The following DTNA variants were observed in gnomAD, a reference collection of about 807,000 sequenced individuals.
DTNA encodes the protein dystrobrevin alpha.
A neutral mutation model predicts 100.7 loss-of-function variants in DTNA; 43 were observed. The observed-to-expected ratio is 0.43, with a 90% confidence interval of 0.33 to 0.55. The LOEUF is 0.55. Ranked by LOEUF, DTNA falls within the 20% of genes least tolerant of loss-of-function variation. The probability of loss-of-function intolerance (pLI) is 0.04; values close to 1 mark genes in which losing one functional copy is unlikely to be tolerated. For missense variants in DTNA, 798 were observed against 953.9 expected, an observed-to-expected ratio of 0.84 and a Z score of 2.15; for synonymous variants, 349 against 347.9, an observed-to-expected ratio of 1.00 and a Z score of -0.04.
chr18:34,639,450 A>G (rs1445648532), intron 1 of DTNA, among the ~76,000 whole-genome samples: 7 of 152,194 alleles, frequency 4.6e-5, no homozygotes, highest in Non-Finnish European at 1.5e-5. Context: ...GGACTGAAAA[A>G]AGAAGACAAG....
At chr18:34,566,407 G>T (rs1024879005) in intron 1 of DTNA, among the ~76,000 whole-genome samples, 5 of 152,132 alleles carry the variant, frequency 3.3e-5, no homozygotes, top group African/African-American at 1.2e-4. Flanking sequence ...GATTAAAAAT[G>T]GTAGAAAGTT....
chr18:34,686,457 G>A (rs567447603), intron 1 of DTNA, among the ~76,000 whole-genome samples: 133 of 152,260 alleles, frequency 8.7e-4, no homozygotes, highest in Non-Finnish European at 1.5e-3. Flanking sequence ...ATTTGTGTAT[G>A]TTGAACCAGC....
At chr18:34,657,563 C>T (rs2074567558) in intron 1 of DTNA, among the ~76,000 whole-genome samples, 1 of 152,210 alleles carries the variant, frequency 6.6e-6, no homozygotes, top group South Asian at 2.1e-4. Flanking sequence ...ACTTAAAAAT[C>T]ATTAGAATAC....
At chr18:34,782,398 T>C (rs1274421365) in intron 3 of DTNA, among the ~76,000 whole-genome samples, 2 of 152,212 alleles carry the variant, frequency 1.3e-5, no homozygotes, top group Non-Finnish European at 2.9e-5. Flanking sequence ...AAGTGGAATT[T>C]ATAATTCCAA....
intron 1 of DTNA, among the ~76,000 whole-genome samples, chr18:34,516,327 C>T (rs2041611887): frequency 6.6e-6 from 1 of 152,062 alleles, no homozygotes; most frequent in Admixed American, 6.6e-5. Context: ...AATAAAATAT[C>T]ACAAGGCAAA....
chr18:34,615,649 T>C (rs961069146), intron 1 of DTNA, among the ~76,000 whole-genome samples: 8 of 152,206 alleles, frequency 5.3e-5, no homozygotes, highest in African/African-American at 1.9e-4. Flanking sequence ...GTTGTACAGA[T>C]TATTTCATCT....
intron 1 of DTNA, among the ~76,000 whole-genome samples, chr18:34,695,437 C>T (rs1330018318): frequency 6.6e-6 from 1 of 152,114 alleles, no homozygotes; most frequent in Non-Finnish European, 1.5e-5. Flanking sequence ...ATACTCATAC[C>T]TGGGGCTCGT....
At chr18:34,702,025 C>T (rs188056587) in intron 1 of DTNA, among the ~76,000 whole-genome samples, 1 of 152,204 alleles carries the variant, frequency 6.6e-6, no homozygotes, top group African/African-American at 2.4e-5. Flanking sequence ...TTTGTGCTGC[C>T]CTGAGAATAA....
In DTNA at chr18:34,753,370, T is replaced by TATTTTA. The variant is rs1568412717; in HGVS notation, c.-1-2606_-1-2605insATTTTA. Reference sequence around the variant, plus strand: ...ATTTATTTATTTATTTATTTTATTTTTTTTTTTTTTTTATTTTTTATTTTT... The same window carrying TATTTTA: ...ATTTATTTATTTATTTATTTTATTTTATTTTATTTTTTTTTTTTATTTTTTATTTTT... On this transcript the variant is annotated intron_variant, in intron 1 of 22. Coordinates refer to ENST00000444659, the MANE Select transcript of DTNA (RefSeq NM_001386795.1). Among the ~76,000 whole-genome samples, 99 of 92,972 alleles carry TATTTTA rather than the reference T, an allele frequency of 1.1e-3. 1 individual carries two copies. The highest frequency in any genetic ancestry group is 5.9e-3 in the African/African-American group (95 of 16,238). The allele number at this position is 92,972 out of a possible 152,430, so 61.0% of individuals were successfully genotyped here. A position where few individuals can be genotyped will look rare whatever the true frequency, so the allele number is the denominator to read the frequency against.
intron 5 of DTNA, among the ~76,000 whole-genome samples, chr18:34,806,569 G>A (rs758076242): frequency 4.6e-5 from 7 of 152,180 alleles, no homozygotes; most frequent in Non-Finnish European, 8.8e-5. Flanking sequence ...AGTAAAATAA[G>A]CACTCTTTGC....
chr18:34,584,533 T>C (rs2048937904), intron 1 of DTNA, among the ~76,000 whole-genome samples: 1 of 152,190 alleles, frequency 6.6e-6, no homozygotes, highest in Non-Finnish European at 1.5e-5. Context: ...TGAGAGACTC[T>C]TCTAGAGGTA....
Position 34,533,006 on chromosome 18 carries a change from C to T in DTNA, c.-2+39492C>T, listed in dbSNP as rs570334440. 2.6e-5 allele frequency among the ~76,000 whole-genome samples: 4 copies of T among 152,024 alleles called. No homozygotes were observed. The East Asian group carries it at 7.8e-4, about 30-fold the overall frequency. On this transcript the variant is annotated intron_variant, in intron 1 of 19. Coordinates refer to the DTNA transcript ENST00000283365. ...TGCCATAATGCGAGAATGCAGGACA[C>T]TTATGTTGGCGAAATAATTTAGAAG...
chr18:34,560,558 T>G lies in DTNA; in HGVS notation c.-2+67044T>G, dbSNP rs576512125. Among the ~76,000 whole-genome samples the G allele has an allele frequency of 7.2e-5, 11 of 152,322 alleles. No individual in the cohort carries two copies. The South Asian group carries it at 1.9e-3, about 26-fold the overall frequency. On this transcript the variant is annotated intron_variant, in intron 1 of 19. Coordinates refer to the DTNA transcript ENST00000283365. ...TTGTTTCCAGTAAATATTCTGAACATATGATGCATCTTAGTTTTTCATGGT... is the reference window on the plus strand; with the variant it reads ...TTGTTTCCAGTAAATATTCTGAACAGATGATGCATCTTAGTTTTTCATGGT...
intron 3 of DTNA, among the ~76,000 whole-genome samples, chr18:34,784,410 T>C (rs1382663794): frequency 6.6e-6 from 1 of 152,228 alleles, no homozygotes; most frequent in Non-Finnish European, 1.5e-5. Context: ...TGCACCATCA[T>C]CGTTCTTTGC....
intron 1 of DTNA, among the ~76,000 whole-genome samples, chr18:34,652,798 A>G (rs1270501709): frequency 2.0e-5 from 3 of 152,046 alleles, no homozygotes; most frequent in African/African-American, 7.2e-5. Flanking sequence ...CGTGAATCCG[A>G]AATCTCCATG....
At chr18:34,809,899 G>A (rs952199713) in intron 5 of DTNA, among the ~76,000 whole-genome samples, 4 of 152,186 alleles carry the variant, frequency 2.6e-5, no homozygotes, top group African/African-American at 7.2e-5. Flanking sequence ...TGTAATTCCA[G>A]GGAGCATCAT....
intron 10 of DTNA, among the ~76,000 whole-genome samples, chr18:34,827,904 C>T (rs915780688): frequency 3.9e-5 from 6 of 152,088 alleles, no homozygotes; most frequent in Admixed American, 3.3e-4. Flanking sequence ...TTATAATTTA[C>T]CCACAGTAAG....
At chr18:34,749,846 G>A (rs1368032506) in intron 1 of DTNA, among the ~76,000 whole-genome samples, 1 of 152,076 alleles carries the variant, frequency 6.6e-6, no homozygotes, top group Non-Finnish European at 1.5e-5. Flanking sequence ...TTTGCCTCAG[G>A]AAAGAGCTCT....
At chr18:34,629,355 C>T (rs2730128) in intron 1 of DTNA, among the ~76,000 whole-genome samples, 32,267 of 152,110 alleles carry the variant, frequency 0.21, 4,002 homozygotes, top group African/African-American at 0.33. Flanking sequence ...CCATAAGTAA[C>T]TGTACAAAGA....
Sources: gnomAD v4.1 joint callset for allele counts (sites outside exome capture counted in the v4.1 genomes callset) on GRCh38, gnomAD v4.1.1 for gene constraint, MANE v1.5 for transcripts, NCBI Gene and HGNC (gene_info 2026-07-23, HGNC 2026-07-21) for gene names.